The following SSH2 variants were observed in gnomAD, a reference collection of about 807,000 sequenced individuals.
The protein encoded by SSH2 is protein phosphatase Slingshot homolog 2.
A neutral mutation model predicts 135.2 loss-of-function variants in SSH2; 37 were observed. That is an observed-to-expected ratio of 0.27 (90% CI 0.21 to 0.36). SSH2 has a LOEUF of 0.36. SSH2 is among the 10% of genes least tolerant of loss of function. The pLI, the probability that SSH2 is intolerant of heterozygous loss-of-function variation, is 1.00. For synonymous variants in SSH2, 628 were observed against 646.2 expected (o/e 0.97, Z 0.43); for missense variants, 1,408 against 1,765.3 (o/e 0.80, Z 3.63).
At chr17:29,688,302 C>T (rs563554186) in intron 5 of SSH2, among the ~76,000 whole-genome samples, 5 of 152,228 alleles carry the variant, frequency 3.3e-5, no homozygotes, top group African/African-American at 1.2e-4. Context: ...AGCCACTACG[C>T]CCGGCCAGAT....
At chr17:29,811,183 A>C (rs972956652) in intron 2 of SSH2, among the ~76,000 whole-genome samples, 2 of 151,966 alleles carry the variant, frequency 1.3e-5, no homozygotes, top group Non-Finnish European at 2.9e-5. Flanking sequence ...TTTAGTAGAG[A>C]TGGAGTTTTG....
rs1269005350 is a variant in SSH2, at chr17:29,701,117, C to A, written c.292+1842G>T. On this transcript the variant is annotated intron_variant, in intron 4 of 15. Coordinates refer to ENST00000540801, the MANE Select transcript of SSH2 (RefSeq NM_001282129.2). ...TCCTGAATAGCTGGGACCACAGGCG[C>A]CCGCCACCATGTCCGGCTAATTTTT... 2.6e-5 allele frequency among the ~76,000 whole-genome samples: 4 copies of A among 151,926 alleles called. No homozygotes were observed. In the East Asian group the frequency reaches 7.8e-4, roughly 30 times the overall value.
chr17:29,744,535 A>T (rs2040688980), intron 3 of SSH2, among the ~76,000 whole-genome samples: 1 of 152,188 alleles, frequency 6.6e-6, no homozygotes, highest in Non-Finnish European at 1.5e-5. Context: ...TACTATTTGT[A>T]TGGAAGATTC....
intron 1 of SSH2, among the ~76,000 whole-genome samples, chr17:29,882,679 G>T (rs558181140): frequency 1.3e-5 from 2 of 152,112 alleles, no homozygotes; most frequent in East Asian, 1.9e-4. Context: ...TTGAACCCGG[G>T]GGGTGGAGGT....
At chr17:29,698,607 T>C (rs1235249172) in intron 4 of SSH2, among the ~76,000 whole-genome samples, 1 of 151,962 alleles carries the variant, frequency 6.6e-6, no homozygotes, top group Non-Finnish European at 1.5e-5. Flanking sequence ...CACCTCAGCC[T>C]CCAGGGTAGC....
chr17:29,923,869 A>G (rs1313828780), intron 1 of SSH2, among the ~76,000 whole-genome samples: 1 of 151,934 alleles, frequency 6.6e-6, no homozygotes, highest in East Asian at 1.9e-4. Context: ...TCATGCCACT[A>G]CACTCCAGTC....
At chr17:29,865,614 T>A (rs2065840249) in intron 1 of SSH2, among the ~76,000 whole-genome samples, 1 of 152,242 alleles carries the variant, frequency 6.6e-6, no homozygotes, top group African/African-American at 2.4e-5. Context: ...CTGACCTTAA[T>A]TCCTATCACA....
chr17:29,661,339 G>A (rs1210472210), intron 11 of SSH2, among the ~76,000 whole-genome samples: 1 of 152,146 alleles, frequency 6.6e-6, no homozygotes, highest in Non-Finnish European at 1.5e-5. Context: ...ATAGACAAAC[G>A]TTTGTTAATT....
At chr17:29,665,810 C>G (rs1184007616) in intron 11 of SSH2, among the ~76,000 whole-genome samples, 1 of 152,166 alleles carries the variant, frequency 6.6e-6, no homozygotes, top group East Asian at 1.9e-4. Flanking sequence ...AGAGAGGTCT[C>G]CTTGGGCTAA....
chr17:29,709,164 T>C (rs2039346407), intron 3 of SSH2, among the ~76,000 whole-genome samples: 1 of 151,848 alleles, frequency 6.6e-6, no homozygotes, highest in African/African-American at 2.4e-5. Flanking sequence ...TTACCCCCAA[T>C]ATACATGTAA....
chr17:29,790,371 G>A (rs1043684703), intron 3 of SSH2, among the ~76,000 whole-genome samples: 1 of 152,108 alleles, frequency 6.6e-6, no homozygotes, highest in Non-Finnish European at 1.5e-5. Flanking sequence ...CTGCAAGCCC[G>A]GAAGAACACC....
At chr17:29,744,377 C>T (rs754188759) in intron 3 of SSH2, among the ~76,000 whole-genome samples, 24 of 152,104 alleles carry the variant, frequency 1.6e-4, no homozygotes, top group Admixed American at 6.5e-4. Flanking sequence ...CCTGCTGGTC[C>T]CGGCGTGTAT....
intron 6 of SSH2, among the ~76,000 whole-genome samples, chr17:29,681,331 C>CA (rs764461213): frequency 0.38 from 5,507 of 14,322 alleles, 2,105 homozygotes; most frequent in East Asian, 0.7. Flanking sequence ...GAGACTGTCT[C>CA]AAAAAAAAAA....
At chr17:29,841,019 G>C (rs1295205660) in intron 2 of SSH2, among the ~76,000 whole-genome samples, 1 of 152,150 alleles carries the variant, frequency 6.6e-6, no homozygotes, top group Non-Finnish European at 1.5e-5. Context: ...AAAAAGCATA[G>C]CCTGATAGCC....
chr17:29,683,850 T>G (rs1172293252), intron 6 of SSH2, among the ~76,000 whole-genome samples: 1 of 151,022 alleles, frequency 6.6e-6, no homozygotes, highest in African/African-American at 2.4e-5. Context: ...GAGGCTGAGG[T>G]GGAAGGATTC....
intron 3 of SSH2, among the ~76,000 whole-genome samples, chr17:29,777,085 A>C (rs1361839063): frequency 6.6e-6 from 1 of 152,088 alleles, no homozygotes; most frequent in Non-Finnish European, 1.5e-5. Flanking sequence ...GGTGGCGCAC[A>C]TGTGTAATCC....
chr17:29,743,254 C>T (rs141586920), intron 3 of SSH2, among the ~76,000 whole-genome samples: 2 of 152,242 alleles, frequency 1.3e-5, no homozygotes, highest in East Asian at 3.9e-4. Flanking sequence ...ATCAACTTTA[C>T]TGTATATAAT....
chr17:29,875,099 G>C (rs1231495772), intron 1 of SSH2, among the ~76,000 whole-genome samples: 2 of 152,096 alleles, frequency 1.3e-5, no homozygotes, highest in Non-Finnish European at 2.9e-5. Flanking sequence ...GAGACTGTCT[G>C]TATATCACTC....
At chr17:29,686,312 T>C (rs941502238) in intron 5 of SSH2, among the ~76,000 whole-genome samples, 2 of 152,248 alleles carry the variant, frequency 1.3e-5, no homozygotes, top group Non-Finnish European at 1.5e-5. Flanking sequence ...CATCGAGTTA[T>C]ATAGTCTAGG....
Sources: gnomAD v4.1 joint callset for allele counts (sites outside exome capture counted in the v4.1 genomes callset) on GRCh38, gnomAD v4.1.1 for gene constraint, MANE v1.5 for transcripts, NCBI Gene and HGNC (gene_info 2026-07-23, HGNC 2026-07-21) for gene names.